Variants in AFF2 observed in about 807,000 individuals in gnomAD.
AFF2 encodes AF4/FMR2 family member 2.
In AFF2, 14 loss-of-function variants were observed where a neutral mutation model predicts 76.9. The ratio of observed to expected loss-of-function variants is 0.18; its 90% CI spans 0.12 to 0.28. AFF2 has a LOEUF of 0.28. Among genes scored for constraint, AFF2 ranks in the 10% least tolerant of loss-of-function variants. The pLI, the probability that AFF2 is intolerant of heterozygous loss-of-function variation, is 1.00. For synonymous variants in AFF2, 398 were observed against 366.7 expected (o/e 1.09, Z -0.98); for missense variants, 868 against 1,001.1 (o/e 0.87, Z 1.79).
chrX:148,977,383 A>G (rs1307184066), intron 16 of AFF2, among the ~76,000 whole-genome samples: 1 of 110,726 alleles, frequency 9.0e-6, no homozygotes, highest in Non-Finnish European at 1.9e-5. Flanking sequence ...CCTTTAAAAA[A>G]AAAAACCAAA....
At chrX:148,622,725 T>C (rs782318174) in intron 1 of AFF2, among the ~76,000 whole-genome samples, 2 of 111,316 alleles carry the variant, frequency 1.8e-5, no homozygotes, top group Non-Finnish European at 3.8e-5. Flanking sequence ...CCCTACAATG[T>C]AGTAGGGAGT....
At chrX:148,626,995 G>C (rs2053933165) in intron 1 of AFF2, among the ~76,000 whole-genome samples, 1 of 110,959 alleles carries the variant, frequency 9.0e-6, no homozygotes, top group Non-Finnish European at 1.9e-5. Context: ...GATTGCTTGA[G>C]GCCAGGAGTT....
intron 7 of AFF2, among the ~76,000 whole-genome samples, chrX:148,883,539 C>T (rs782599125): frequency 1.8e-5 from 2 of 111,478 alleles, no homozygotes; most frequent in Admixed American, 1.9e-4. Flanking sequence ...CCCCAGATAT[C>T]GGGGTTTATG....
intron 3 of AFF2, among the ~76,000 whole-genome samples, chrX:148,731,734 A>G (rs1361027985): frequency 1.0e-5 from 1 of 97,789 alleles, no homozygotes; most frequent in Non-Finnish European, 2.0e-5. Flanking sequence ...CAAGAAAAAA[A>G]CAAACAACCC....
intron 1 of AFF2, among the ~76,000 whole-genome samples, chrX:148,643,749 C>T (rs2054113747): frequency 9.0e-6 from 1 of 111,349 alleles, no homozygotes; most frequent in South Asian, 3.8e-4. Flanking sequence ...AAAGGGATAA[C>T]TGACACATTC....
At chrX:148,881,249 C>T (rs1379484940) in intron 7 of AFF2, among the ~76,000 whole-genome samples, 1 of 111,743 alleles carries the variant, frequency 8.9e-6, no homozygotes, top group African/African-American at 3.3e-5. Flanking sequence ...GATTCTGGAT[C>T]AACTAGGAGC....
intron 3 of AFF2, among the ~76,000 whole-genome samples, chrX:148,797,415 A>G (rs1278697825): frequency 8.9e-6 from 1 of 112,147 alleles, no homozygotes. Context: ...GGGCAGGGAC[A>G]AAGTGTTACA....
At chrX:148,898,973 G>A (rs1398364093) in intron 8 of AFF2, among the ~76,000 whole-genome samples, 3 of 112,000 alleles carry the variant, frequency 2.7e-5, no homozygotes, top group Non-Finnish European at 5.6e-5. Context: ...CTAAAGATAG[G>A]TAACATGTTT....
chrX:148,941,066 C>A (rs1557285520), intron 9 of AFF2, among the ~76,000 whole-genome samples: 1 of 111,781 alleles, frequency 8.9e-6, no homozygotes, highest in East Asian at 2.8e-4. Context: ...AAGATGTCAG[C>A]TTTAAATATG....
intron 8 of AFF2, among the ~76,000 whole-genome samples, chrX:148,892,999 TAG>T (rs1260451552): frequency 8.9e-6 from 1 of 112,020 alleles, no homozygotes; most frequent in Non-Finnish European, 1.9e-5. Context: ...ATAACTTTGA[TAG>T]AGTCTTTTAA....
chrX:148,501,321 G>C (rs1035735144), intron 1 of AFF2, among the ~76,000 whole-genome samples, 177 bp downstream of exon 1: 10 of 112,577 alleles, frequency 8.9e-5, no homozygotes, highest in Admixed American at 3.7e-4. Flanking sequence ...ATGCCGGGGT[G>C]GGGGGAGGTG....
intron 3 of AFF2, among the ~76,000 whole-genome samples, chrX:148,773,700 A>AAGAAAG (rs1557268283): frequency 1.1e-5 from 1 of 89,645 alleles, no homozygotes; most frequent in Non-Finnish European, 2.1e-5. Context: ...GAAAGAAAGA[A>AAGAAAG]AGAAAGAAAG....
intron 3 of AFF2, among the ~76,000 whole-genome samples, chrX:148,807,228 A>T (rs955931201): frequency 4.5e-5 from 5 of 111,864 alleles, no homozygotes; most frequent in Non-Finnish European, 7.5e-5. Flanking sequence ...AAGAGTAGAG[A>T]TGATATTTTC....
At chrX:148,608,511 TTTAA>T (rs782195954) in intron 1 of AFF2, among the ~76,000 whole-genome samples, 2 of 109,780 alleles carry the variant, frequency 1.8e-5, no homozygotes, top group East Asian at 2.9e-4. Context: ...AATACTTTAT[TTTAA>T]TTAATTAATT....
At chrX:148,731,731 AAAAC>A (rs1448868602) in intron 3 of AFF2, among the ~76,000 whole-genome samples, 1 of 98,066 alleles carries the variant, frequency 1.0e-5, no homozygotes, top group Admixed American at 1.1e-4. Flanking sequence ...TTACAAGAAA[AAAAC>A]AAACAACCCC....
intron 2 of AFF2, among the ~76,000 whole-genome samples, chrX:148,653,244 T>C (rs1238140050): frequency 8.9e-6 from 1 of 112,079 alleles, no homozygotes; most frequent in Admixed American, 9.5e-5. Context: ...AAAAAAGCAG[T>C]GTTCCCATAT....
intron 4 of AFF2, among the ~76,000 whole-genome samples, chrX:148,812,622 A>G (rs1557271886): frequency 9.0e-6 from 1 of 110,845 alleles, no homozygotes; most frequent in Admixed American, 9.6e-5. Context: ...CACCTCCCTG[A>G]TCCCCCTTTT....
Position 148,581,568 on chromosome X carries a change from G to GTATACGTATACGTGTACACACATA in AFF2, c.48-70393_48-70370dup, listed in dbSNP as rs1569551678. ...CGTCTACGTGTACACACATATATACGTATACGTATACGTGTACACACATAT... is the reference window on the plus strand; with the variant it reads ...CGTCTACGTGTACACACATATATACGTATACGTATACGTGTACACACATATATACGTATACGTGTACACACATAT... On this transcript the variant is annotated intron_variant, in intron 1 of 20. Coordinates refer to ENST00000370460, the MANE Select transcript of AFF2 (RefSeq NM_002025.4). 4.2e-3 allele frequency among the ~76,000 whole-genome samples: 189 copies of GTATACGTATACGTGTACACACATA among 45,459 alleles called. 28 individuals carry two copies. Among genetic ancestry groups the GTATACGTATACGTGTACACACATA allele is most frequent in the Non-Finnish European group, 6.0e-3 (135 of 22,436 alleles). 39.5% of individuals were successfully genotyped at this position (45,459 alleles called of 115,157 possible).
intron 4 of AFF2, among the ~76,000 whole-genome samples, chrX:148,833,242 C>G (rs1047235548): frequency 2.7e-5 from 3 of 111,695 alleles, no homozygotes; most frequent in African/African-American, 9.8e-5. Context: ...TCATTCCCCT[C>G]TCAAGGTGAT....
Sources: gnomAD v4.1 joint callset for allele counts (sites outside exome capture counted in the v4.1 genomes callset) on GRCh38, gnomAD v4.1.1 for gene constraint, MANE v1.5 for transcripts, NCBI Gene and HGNC (gene_info 2026-07-23, HGNC 2026-07-21) for gene names.